Variants in ZFP36L1 observed in about 807,000 individuals in gnomAD.
The protein encoded by ZFP36L1 is mRNA decay activator protein ZFP36L1.
Under a neutral mutation model 16.7 loss-of-function variants are expected in ZFP36L1, and 4 were observed. That is an observed-to-expected ratio of 0.24 (90% confidence interval 0.12 to 0.55). The LOEUF is 0.55. Ranked by LOEUF, ZFP36L1 falls within the 20% of genes least tolerant of loss-of-function variation. The probability of loss-of-function intolerance (pLI) is 0.94; values close to 1 mark genes in which losing one functional copy is unlikely to be tolerated. For synonymous variants in ZFP36L1, 220 were observed against 190.8 expected (o/e 1.15, Z -1.26); for missense variants, 311 against 449.2 (o/e 0.69, Z 2.78).
chr14:68,796,094 C>CGACCTCCGACAGA, upstream of ZFP36L1: 1 of 1,361,366 alleles, frequency 7.3e-7, no homozygotes. Context: ...CGCTTCCGAC[C>CGACCTCCGACAGA]GGGAGGCGGT....
intron 1 of ZFP36L1, among the ~76,000 whole-genome samples, chr14:68,792,181 A>C (rs1170569145): frequency 1.3e-5 from 2 of 149,882 alleles, no homozygotes; most frequent in African/African-American, 2.5e-5. Context: ...TTTTGTCGCC[A>C]CCTCCCCCCC....
chr14:68,792,988 T>A lies in ZFP36L1; in HGVS notation c.-50A>T. The A allele has an allele frequency of 6.2e-7, 1 of 1,611,772 alleles. No homozygotes were observed. The highest frequency in any genetic ancestry group is 8.5e-7 in the Non-Finnish European group (1 of 1,179,572). On this transcript the variant is annotated 5_prime_UTR_variant, in exon 1 of 2. Coordinates refer to ENST00000439696, the MANE Select transcript of ZFP36L1 (RefSeq NM_004926.4). The stretch of plus-strand genomic sequence containing the variant: ...GCGAGGATCTGGTGTGTCGCGAAGG[T>A]CCCGGTGCGGGGAAGGCGCAGCCTC...
At position 68,787,999 on chromosome 14, in the gene ZFP36L1, T is replaced by C. The variant is rs1282561744; in HGVS notation, c.*1534A>G. On this transcript the variant is annotated 3_prime_UTR_variant, in exon 2 of 2. Coordinates refer to ENST00000439696, the MANE Select transcript of ZFP36L1 (RefSeq NM_004926.4). ...TTTTCCTTCTGTACTGTCACAGAACTTTTACATACATTCTCAGTCCTAGTT... is the reference window on the plus strand; with the variant it reads ...TTTTCCTTCTGTACTGTCACAGAACCTTTACATACATTCTCAGTCCTAGTT... The C allele has an allele frequency of 1.3e-5, 2 of 152,526 alleles. No homozygotes were observed. The highest frequency in any genetic ancestry group is 3.7e-4 in the East Asian group (2 of 5,338). 9.4% of individuals were successfully genotyped at this position (152,526 alleles called of 1,614,324 possible).
chr14:68,789,343 T>G lies in ZFP36L1; in HGVS notation c.*190A>C. ...CAGAAGAAGCTACTGACAAATTGAC[T>G]TGTCCTTATGTTAGGTGGGGTTATG... On this transcript the variant is annotated 3_prime_UTR_variant, in exon 2 of 2. Coordinates refer to ENST00000439696, the MANE Select transcript of ZFP36L1 (RefSeq NM_004926.4). The surrounding 1 kb of genome is among the most constrained non-coding windows in gnomAD (Gnocchi z 4.5). 1.3e-6 allele frequency: 1 copy of G among 774,976 alleles called. No homozygotes were observed. Among genetic ancestry groups the G allele is most frequent in the Non-Finnish European group, 2.0e-6 (1 of 508,726 alleles). 48.0% of individuals were successfully genotyped at this position (774,976 alleles called of 1,614,324 possible). A position where few individuals can be genotyped will look rare whatever the true frequency, so the allele number is the denominator to read the frequency against.
chr14:68,792,571 G>C (rs905417531), intron 1 of ZFP36L1, among the ~76,000 whole-genome samples: 2 of 152,190 alleles, frequency 1.3e-5, no homozygotes, highest in Non-Finnish European at 1.5e-5. Context: ...ACGTAAAACA[G>C]GATCGCCCAA....
At chr14:68,796,097 G>C, upstream of ZFP36L1, 7 of 1,361,844 alleles carry the variant, frequency 5.1e-6, no homozygotes, top group African/African-American at 1.5e-5. Context: ...TTCCGACCGG[G>C]AGGCGGTGGG....
intron 1 of ZFP36L1, among the ~76,000 whole-genome samples, chr14:68,792,562 C>G (rs1594718220): frequency 6.6e-6 from 1 of 152,238 alleles, no homozygotes; most frequent in African/African-American, 2.4e-5. Context: ...CAGCACGTTA[C>G]GTAAAACAGG....
At chr14:68,793,086 C>T, upstream of ZFP36L1, 1 of 1,556,000 alleles carries the variant, frequency 6.4e-7, no homozygotes, top group Non-Finnish European at 8.6e-7. Flanking sequence ...GCGCGCAAAG[C>T]CCAATTTATA....
At chr14:68,792,603 T>C (rs2140212277) in intron 1 of ZFP36L1, among the ~76,000 whole-genome samples, 1 of 151,394 alleles carries the variant, frequency 6.6e-6, no homozygotes, top group Non-Finnish European at 1.5e-5. Flanking sequence ...ATCCCAGCCC[T>C]CCCCCCGAAG....
Position 68,790,148 on chromosome 14 carries a change from C to T in ZFP36L1, c.402G>A (p.Lys134=). ...EENGACKYGD[K]CQFAHGIHEL... ...CGTGGATGCCGTGTGCGAACTGGCA[C>T]TTGTCCCCGTACTTACAGGCACCGT... Residue 134 remains lysine, a synonymous_variant, in exon 2 of 2, where the codon AAG becomes AAA. Transcript: ENST00000439696. 6.2e-7 allele frequency: 1 copy of T among 1,611,826 alleles called. No homozygotes were observed. Among genetic ancestry groups the T allele is most frequent in the Non-Finnish European group, 8.5e-7 (1 of 1,178,524 alleles).
upstream of ZFP36L1, among the ~76,000 whole-genome samples, chr14:68,795,131 C>T (rs936270015): frequency 6.6e-6 from 1 of 152,152 alleles, no homozygotes; most frequent in African/African-American, 2.4e-5. Flanking sequence ...CGTTCCTTTC[C>T]CAAGTGGGTG....
chr14:68,792,849 T>C (rs1270770221), intron 1 of ZFP36L1, 33 bp downstream of exon 1: 2 of 1,613,770 alleles, frequency 1.2e-6, no homozygotes, highest in African/African-American at 1.3e-5. Flanking sequence ...AGAAAAAGAC[T>C]TTTTGAAAAG....
At chr14:68,792,777 T>G (rs896467209) in intron 1 of ZFP36L1, 105 bp downstream of exon 1, 1 of 1,472,538 alleles carries the variant, frequency 6.8e-7, no homozygotes, top group African/African-American at 1.4e-5. Context: ...ATCATCTCGC[T>G]GCACCACTTT....
In ZFP36L1 at chr14:68,790,273, C is replaced by G; in HGVS notation, c.277G>C (p.Glu93Gln). ...DSRFRDRSFS[E>Q]GGERLLPTQK... ...GTGGGCAGCAGCCGCTCGCCCCCTT[C>G]CGAGAAGGAGCGGTCTCGGAAGCGG... is the stretch of plus-strand genomic sequence containing the variant. Residue 93 changes from glutamate (E) to glutamine (Q), a missense_variant, in exon 2 of 2, where the codon GAA becomes CAA. Physicochemically the swap from Glu to Gln is conservative, Grantham distance 29. Coordinates refer to ENST00000439696, the MANE Select transcript of ZFP36L1 (RefSeq NM_004926.4). 6.2e-7 allele frequency: 1 copy of G among 1,610,708 alleles called. No individual in the cohort carries two copies.
Position 68,790,476 on chromosome 14 carries a change from T to C in ZFP36L1, c.74A>G (p.Asn25Ser), listed in dbSNP as rs139364015. The change falls in exon 2 of 2, where the codon AAC (asparagine) becomes AGC (serine). Residue 25 changes from asparagine to serine, a missense_variant. Around this residue, in one of 4 missense-constraint regions of ZFP36L1, gnomAD observed 137 missense variants for 142.6 expected, o/e 0.96. Transcript: ENST00000439696. The part of the protein sequence containing the change: ...EVLCKGNKML[N>S]YSAPSAGGCL... ...ACCCCCTGCACTGGGAGCACTATAG[T>C]TGAGCATCTTGTTACCCTGGAGAGA... The C allele has an allele frequency of 1.2e-6, 2 of 1,613,926 alleles. No individual in the cohort carries two copies. The highest frequency in any genetic ancestry group is 1.7e-6 in the Non-Finnish European group (2 of 1,180,000).
Position 68,791,101 on chromosome 14 carries a change from G to C in ZFP36L1, c.58-609C>G, listed in dbSNP as rs1465412947. 5.7e-6 allele frequency: 4 copies of C among 698,150 alleles called. No individual in the cohort carries two copies. In the East Asian group the frequency reaches 8.1e-5, roughly 14 times the overall value. The allele number at this position is 698,150 out of a possible 1,614,324, so 43.2% of individuals were successfully genotyped here. A position where few individuals can be genotyped will look rare whatever the true frequency, so the allele number is the denominator to read the frequency against. The stretch of plus-strand genomic sequence containing the variant: ...GATTGGGGGCCTGGTCTGAGGTTGG[G>C]GGAGACAGGGATGTGATTCCTGAAA... On this transcript the variant is annotated intron_variant, in intron 1 of 1. Coordinates refer to ENST00000439696, the MANE Select transcript of ZFP36L1 (RefSeq NM_004926.4).
intron 1 of ZFP36L1, among the ~76,000 whole-genome samples, chr14:68,791,448 T>C (rs12887797): frequency 6.6e-6 from 1 of 152,184 alleles, no homozygotes; most frequent in East Asian, 1.9e-4. Context: ...GCCCAAATTG[T>C]ACCCAAGATT....
At position 68,789,319 on chromosome 14, in the gene ZFP36L1, A is replaced by G; in HGVS notation, c.*214T>C. 1.6e-6 allele frequency: 1 copy of G among 626,202 alleles called. No homozygotes were observed. Among genetic ancestry groups the G allele is most frequent in the East Asian group, 2.9e-5 (1 of 34,290 alleles). 38.8% of individuals were successfully genotyped at this position (626,202 alleles called of 1,614,324 possible). On this transcript the variant is annotated 3_prime_UTR_variant, in exon 2 of 2. Coordinates refer to ENST00000439696, the MANE Select transcript of ZFP36L1 (RefSeq NM_004926.4). This position sits in a 1 kb window ranked among gnomAD's most constrained non-coding sequence, Gnocchi z 4.5. ...AAATCCAGGGAGGGGGTTTCAAGCC[A>G]GAAGAAGCTACTGACAAATTGACTT...
At position 68,790,422 on chromosome 14, in the gene ZFP36L1, G is replaced by A. The variant is rs1895038529; in HGVS notation, c.128C>T (p.Thr43Ile). The A allele has an allele frequency of 1.4e-5, 22 of 1,613,886 alleles. No individual in the cohort carries two copies. Among genetic ancestry groups the A allele is most frequent in the Non-Finnish European group, 1.8e-5 (21 of 1,179,972 alleles). The change falls in exon 2 of 2, where the codon ACC (threonine) becomes ATC (isoleucine). Residue 43 changes from threonine to isoleucine, a missense_variant. Coordinates refer to ENST00000439696, the MANE Select transcript of ZFP36L1 (RefSeq NM_004926.4). Reference protein sequence around the residue: ...GCLLDRKAVGTPAGGGFPRRH... With the variant: ...GCLLDRKAVGIPAGGGFPRRH... Reference sequence around the variant, plus strand: ...CCGAGGGAAGCCCCCACCAGCAGGGGTGCCCACTGCCTTTCTGTCCAGCAG... The same window carrying A: ...CCGAGGGAAGCCCCCACCAGCAGGGATGCCCACTGCCTTTCTGTCCAGCAG...
Sources: gnomAD v4.1 joint callset for allele counts (sites outside exome capture counted in the v4.1 genomes callset) on GRCh38, gnomAD v4.1.1 for gene constraint, gnomAD v4.1.1 regional missense constraint, Gnocchi (gnomAD v3.1) non-coding constraint, MANE v1.5 for transcripts, NCBI Gene and HGNC (gene_info 2026-07-23, HGNC 2026-07-21) for gene names.